The following CAMKMT variants were observed in gnomAD, a reference collection of about 807,000 sequenced individuals.
CAMKMT encodes the protein CaM KMT.
A neutral mutation model predicts 48.0 loss-of-function variants in CAMKMT; 53 were observed. The ratio of observed to expected loss-of-function variants is 1.10; its 90% CI spans 0.89 to 1.39. The LOEUF is 1.39. Among genes scored for constraint, CAMKMT ranks in the 40% most tolerant of loss-of-function variants. The pLI, the probability that CAMKMT is intolerant of heterozygous loss-of-function variation, is 0.00. For synonymous variants in CAMKMT, 165 were observed against 152.3 expected, an observed-to-expected ratio of 1.08 and a Z score of -0.61; for missense variants, 428 against 402.7, an observed-to-expected ratio of 1.06 and a Z score of -0.54.
intron 3 of CAMKMT, among the ~76,000 whole-genome samples, chr2:44,468,318 G>T (rs944138117): frequency 6.6e-6 from 1 of 152,088 alleles, no homozygotes; most frequent in African/African-American, 2.4e-5. Context: ...CTCACTCCAG[G>T]TACAATGGCT....
chr2:44,683,024 A>G (rs1676111866), intron 3 of CAMKMT, among the ~76,000 whole-genome samples: 1 of 152,186 alleles, frequency 6.6e-6, no homozygotes. Context: ...CAAGGCACAC[A>G]ATCATTATAA....
At chr2:44,733,755 T>C (rs142108507) in intron 7 of CAMKMT, among the ~76,000 whole-genome samples, 211 of 152,288 alleles carry the variant, frequency 1.4e-3, no homozygotes, top group Admixed American at 1.7e-3. Flanking sequence ...AATTTTCAAA[T>C]GTTAAACCAA....
intron 3 of CAMKMT, among the ~76,000 whole-genome samples, chr2:44,671,977 A>C (rs1675356871): frequency 6.6e-6 from 1 of 152,116 alleles, no homozygotes; most frequent in Non-Finnish European, 1.5e-5. Context: ...TGTGATTAAT[A>C]TACTTTTAAC....
intron 2 of CAMKMT, among the ~76,000 whole-genome samples, chr2:44,385,547 G>C (rs188610018): frequency 1.3e-5 from 2 of 152,178 alleles, no homozygotes; most frequent in Non-Finnish European, 2.9e-5. Flanking sequence ...TCCTTGTCTT[G>C]TTCCTGTTCT....
At chr2:44,521,574 C>T (rs547390952) in intron 3 of CAMKMT, among the ~76,000 whole-genome samples, 7 of 152,336 alleles carry the variant, frequency 4.6e-5, no homozygotes, top group Admixed American at 2.0e-4. Flanking sequence ...CCATCACGCC[C>T]GTCTAGTATC....
At chr2:44,455,234 G>A (rs1443923598) in intron 3 of CAMKMT, among the ~76,000 whole-genome samples, 1 of 150,908 alleles carries the variant, frequency 6.6e-6, no homozygotes, top group East Asian at 1.9e-4. Context: ...CCAGGACGAA[G>A]CCTAGAGATA....
intron 2 of CAMKMT, among the ~76,000 whole-genome samples, chr2:44,386,027 T>C (rs1299214840): frequency 6.6e-6 from 1 of 152,140 alleles, no homozygotes; most frequent in African/African-American, 2.4e-5. Context: ...CTTTAGCTTG[T>C]GGAATAGTGT....
chr2:44,373,412 G>T (rs1474919264), intron 2 of CAMKMT, among the ~76,000 whole-genome samples: 1 of 152,116 alleles, frequency 6.6e-6, no homozygotes, highest in Non-Finnish European at 1.5e-5. Context: ...TTAGAAAAGA[G>T]ACAAGAGAGT....
At chr2:44,663,783 A>G (rs985591518) in intron 3 of CAMKMT, among the ~76,000 whole-genome samples, 2 of 152,220 alleles carry the variant, frequency 1.3e-5, no homozygotes, top group African/African-American at 2.4e-5. Flanking sequence ...ATTCATTTAT[A>G]TAACAAATGG....
intron 3 of CAMKMT, among the ~76,000 whole-genome samples, chr2:44,440,212 A>G (rs1176580004): frequency 6.6e-6 from 1 of 152,228 alleles, no homozygotes; most frequent in Non-Finnish European, 1.5e-5. Flanking sequence ...ATTCTAGTGC[A>G]GCCCATGATT....
At chr2:44,375,167 T>C (rs1208175427) in intron 2 of CAMKMT, among the ~76,000 whole-genome samples, 1 of 150,162 alleles carries the variant, frequency 6.7e-6, no homozygotes, top group African/African-American at 2.5e-5. Flanking sequence ...TGGCCAGGGT[T>C]TCTGTTTTTT....
chr2:44,482,514 G>C (rs1283485654), intron 3 of CAMKMT, among the ~76,000 whole-genome samples: 1 of 152,058 alleles, frequency 6.6e-6, no homozygotes, highest in Non-Finnish European at 1.5e-5. Flanking sequence ...ATAAATAAGA[G>C]TGTTAACACT....
intron 3 of CAMKMT, among the ~76,000 whole-genome samples, chr2:44,468,233 C>A (rs1270632002): frequency 6.6e-6 from 1 of 152,146 alleles, no homozygotes; most frequent in Non-Finnish European, 1.5e-5. Flanking sequence ...TAAAGGCCAA[C>A]AAGTATATGA....
Position 44,624,036 on chromosome 2 carries a change from TCATC to T in CAMKMT, c.377-80243_377-80240del, listed in dbSNP as rs565281488. 2.0e-3 allele frequency among the ~76,000 whole-genome samples: 309 copies of T among 152,304 alleles called. 1 individual carries two copies. In the Middle Eastern group the frequency reaches 0.024, roughly 12 times the overall value. On this transcript the variant is annotated intron_variant, in intron 3 of 10. Coordinates refer to ENST00000378494, the MANE Select transcript of CAMKMT (RefSeq NM_024766.5). ...TATGAATTTACTACCACAGATTTGT[TCATC>T]CATTCCACCCAACTGTTGATAAAAC...
intron 3 of CAMKMT, chr2:44,394,887 G>A (rs750554117): frequency 7.3e-5 from 33 of 454,180 alleles, no homozygotes; most frequent in South Asian, 3.3e-4. Flanking sequence ...AGTCAGGTGT[G>A]GAGGTATGTT....
rs143593103 is a variant in CAMKMT at position 44,721,021 on chromosome 2, T to C, written c.623+5668T>C. Among the ~76,000 whole-genome samples, 404 of 152,300 alleles carry C rather than the reference T, an allele frequency of 2.7e-3. 1 individual carries two copies. Among genetic ancestry groups the C allele is most frequent in the East Asian group, 3.9e-3 (20 of 5,190 alleles). On this transcript the variant is annotated intron_variant, in intron 7 of 10. Coordinates refer to ENST00000378494, the MANE Select transcript of CAMKMT (RefSeq NM_024766.5). Reference sequence around the variant, plus strand: ...TATAGTAAGCGTTTAGTCACCTCAGTGGGTTATTGTTTTGAATATTTTGCA... The same window carrying C: ...TATAGTAAGCGTTTAGTCACCTCAGCGGGTTATTGTTTTGAATATTTTGCA...
chr2:44,565,042 C>T (rs548321991), intron 3 of CAMKMT, among the ~76,000 whole-genome samples: 3 of 152,266 alleles, frequency 2.0e-5, no homozygotes, highest in South Asian at 4.1e-4. Flanking sequence ...CATGTGTATT[C>T]GTGTCCTAAT....
chr2:44,457,409 T>G (rs1667621301), intron 3 of CAMKMT: 1 of 151,650 alleles, frequency 6.6e-6, no homozygotes, highest in Admixed American at 6.6e-5. Context: ...CTCTTTTTTT[T>G]TTTTTTTGAG....
In CAMKMT at chr2:44,362,091, GGGGCC is replaced by G. The variant is rs1486142277; in HGVS notation, c.85_89del (p.Gly29ArgfsTer25). On this transcript the variant is annotated frameshift_variant, in exon 1 of 11. Coordinates refer to ENST00000378494, the MANE Select transcript of CAMKMT (RefSeq NM_024766.5). LOFTEE classifies it high-confidence loss of function. ...GTCCGGCAGTTGGCTGCACCACTCGGGGGCCCGTAGTCTCGGCGCCCCTGGGAGCC... is the reference window on the plus strand; with the variant it reads ...GTCCGGCAGTTGGCTGCACCACTCGGCGTAGTCTCGGCGCCCCTGGGAGCC... The G allele has an allele frequency of 2.1e-6, 3 of 1,462,242 alleles. No homozygotes were observed. The highest frequency in any genetic ancestry group is 2.7e-6 in the Non-Finnish European group (3 of 1,117,812). The allele number at this position is 1,462,242 out of a possible 1,614,324, so 90.6% of individuals were successfully genotyped here. A position where few individuals can be genotyped will look rare whatever the true frequency, so the allele number is the denominator to read the frequency against.
Sources: gnomAD v4.1 joint callset for allele counts (sites outside exome capture counted in the v4.1 genomes callset) on GRCh38, gnomAD v4.1.1 for gene constraint, MANE v1.5 for transcripts, NCBI Gene and HGNC (gene_info 2026-07-23, HGNC 2026-07-21) for gene names.